Variants in CADPS2 observed in about 807,000 individuals in gnomAD.
The protein encoded by CADPS2 is calcium dependent secretion activator 2.
CADPS2 carries 93 observed loss-of-function variants against 172.5 expected under a neutral mutation model. The ratio of observed to expected loss-of-function variants is 0.54; its 90% CI spans 0.46 to 0.64. The LOEUF is 0.64. CADPS2 is among the 30% of genes least tolerant of loss of function. The pLI is 0.00. For synonymous variants in CADPS2, 546 were observed against 555.2 expected (o/e 0.98, Z 0.23); for missense variants, 1,420 against 1,565.9 (o/e 0.91, Z 1.57).
chr7:122,637,541 T>C (rs117330987), intron 3 of CADPS2, among the ~76,000 whole-genome samples: 2,194 of 152,288 alleles, frequency 0.014, 27 homozygotes, highest in Non-Finnish European at 0.025. Context: ...AATAGCTATT[T>C]TGTCTTTTAG....
chr7:122,582,210 C>CA (rs1286008419), intron 6 of CADPS2, among the ~76,000 whole-genome samples: 1 of 151,926 alleles, frequency 6.6e-6, no homozygotes, highest in Non-Finnish European at 1.5e-5. Flanking sequence ...CTTGAAAAAA[C>CA]AAAACAATTC....
At chr7:122,752,858 G>A (rs942473033) in intron 1 of CADPS2, among the ~76,000 whole-genome samples, 5 of 152,054 alleles carry the variant, frequency 3.3e-5, no homozygotes, top group Non-Finnish European at 5.9e-5. Context: ...AATTTTCCTC[G>A]TTTAGAAATT....
chr7:122,571,392 A>G (rs2067235822), intron 7 of CADPS2, among the ~76,000 whole-genome samples: 1 of 152,158 alleles, frequency 6.6e-6, no homozygotes, highest in Non-Finnish European at 1.5e-5. Context: ...AAATAGTAAA[A>G]TGTCAACTAC....
At chr7:122,393,771 C>T (rs1219418020) in intron 20 of CADPS2, among the ~76,000 whole-genome samples, 189 bp from the exon 21 acceptor site, 1 of 152,088 alleles carries the variant, frequency 6.6e-6, no homozygotes, top group Non-Finnish European at 1.5e-5. Flanking sequence ...TATAATTAGC[C>T]TTCTATATAT....
intron 1 of CADPS2, among the ~76,000 whole-genome samples, chr7:122,786,752 C>T (rs1794140411): frequency 6.6e-6 from 1 of 152,062 alleles, no homozygotes; most frequent in Non-Finnish European, 1.5e-5. Flanking sequence ...ACCACCATAT[C>T]CCCATTTTTT....
At chr7:122,694,728 T>A (rs563864982) in intron 2 of CADPS2, among the ~76,000 whole-genome samples, 1 of 152,204 alleles carries the variant, frequency 6.6e-6, no homozygotes, top group Admixed American at 6.5e-5. Flanking sequence ...TAATTTATAA[T>A]CTTTATTTTT....
chr7:122,447,543 ATTTTTTTTTTTTTTT>A lies in CADPS2; in HGVS notation c.2288+3816_2288+3830del, dbSNP rs1159112244. 5.6e-5 allele frequency among the ~76,000 whole-genome samples: 5 copies of A among 89,768 alleles called. 1 individual carries two copies. The highest frequency in any genetic ancestry group is 3.1e-4 in the Admixed American group (2 of 6,540). 58.9% of individuals were successfully genotyped at this position (89,768 alleles called of 152,430 possible). The stretch of plus-strand genomic sequence containing the variant: ...CCATGTTGATTTCTTGTTTCGGGGA[ATTTTTTTTTTTTTTT>A]TTTTTTTTTTTTTGAGACACAGTGT... On this transcript the variant is annotated intron_variant, in intron 15 of 29. Coordinates refer to ENST00000449022, the MANE Select transcript of CADPS2 (RefSeq NM_017954.11).
At chr7:122,465,549 T>C (rs1164285261) in intron 14 of CADPS2, among the ~76,000 whole-genome samples, 2 of 152,102 alleles carry the variant, frequency 1.3e-5, no homozygotes, top group Non-Finnish European at 2.9e-5. Context: ...CTGAACCCTA[T>C]CGTGAACTGT....
intron 14 of CADPS2, among the ~76,000 whole-genome samples, chr7:122,462,273 G>A (rs2054548060): frequency 1.3e-5 from 2 of 152,014 alleles, no homozygotes; most frequent in Non-Finnish European, 2.9e-5. Context: ...GAACTACCTA[G>A]GAGGAGAAAT....
chr7:122,515,793 T>C (rs866806222), intron 8 of CADPS2, among the ~76,000 whole-genome samples: 7 of 151,940 alleles, frequency 4.6e-5, no homozygotes, highest in Admixed American at 1.3e-4. Context: ...AATGTGCACA[T>C]GTACCCTAAA....
chr7:122,469,746 C>T (rs953002443), intron 14 of CADPS2, among the ~76,000 whole-genome samples: 3 of 151,388 alleles, frequency 2.0e-5, no homozygotes, highest in South Asian at 2.1e-4. Context: ...GTTTTAGGTA[C>T]GTGGAGGATA....
At chr7:122,578,424 A>G (rs1191141803) in intron 7 of CADPS2, among the ~76,000 whole-genome samples, 2 of 152,156 alleles carry the variant, frequency 1.3e-5, no homozygotes, top group East Asian at 3.9e-4. Context: ...CAAGGAGGTT[A>G]TAACAGAAGA....
chr7:122,502,827 A>G (rs985300869), intron 9 of CADPS2, among the ~76,000 whole-genome samples: 1 of 152,082 alleles, frequency 6.6e-6, no homozygotes, highest in Non-Finnish European at 1.5e-5. Flanking sequence ...TCTCCTTTAA[A>G]TATGTTCAGC....
At chr7:122,817,727 C>A (rs1267048770) in intron 1 of CADPS2, among the ~76,000 whole-genome samples, 1 of 151,958 alleles carries the variant, frequency 6.6e-6, no homozygotes, top group African/African-American at 2.4e-5. Flanking sequence ...CCCCTCAACC[C>A]CTTCTCCTTC....
intron 8 of CADPS2, among the ~76,000 whole-genome samples, chr7:122,514,582 T>C (rs2060220000): frequency 6.6e-6 from 1 of 152,074 alleles, no homozygotes; most frequent in South Asian, 2.1e-4. Flanking sequence ...TCTTGGGAGA[T>C]GATCTTCTTG....
intron 14 of CADPS2, among the ~76,000 whole-genome samples, chr7:122,466,405 C>T (rs1044233109): frequency 2.0e-5 from 3 of 152,128 alleles, no homozygotes; most frequent in Non-Finnish European, 4.4e-5. Context: ...TTTGCCACTC[C>T]CCTCTGGGGC....
chr7:122,776,533 G>A (rs1209793626), intron 1 of CADPS2, among the ~76,000 whole-genome samples: 1 of 151,514 alleles, frequency 6.6e-6, no homozygotes, highest in African/African-American at 2.4e-5. Context: ...TGAGGAACAG[G>A]CAGATTGGAA....
chr7:122,663,744 C>T (rs1458430368), intron 2 of CADPS2, among the ~76,000 whole-genome samples, 175 bp from the exon 3 acceptor site: 1 of 152,170 alleles, frequency 6.6e-6, no homozygotes, highest in East Asian at 1.9e-4. Context: ...ATGTTGGCCC[C>T]AAATCTCTCT....
At chr7:122,731,207 C>T (rs542796697) in intron 2 of CADPS2, among the ~76,000 whole-genome samples, 1 of 151,570 alleles carries the variant, frequency 6.6e-6, no homozygotes, top group East Asian at 1.9e-4. Context: ...ACTATACATC[C>T]TTTCTGAAAA....
Sources: gnomAD v4.1 joint callset for allele counts (sites outside exome capture counted in the v4.1 genomes callset) on GRCh38, gnomAD v4.1.1 for gene constraint, MANE v1.5 for transcripts, NCBI Gene and HGNC (gene_info 2026-07-23, HGNC 2026-07-21) for gene names.